Variants in CD99L2 observed in about 807,000 individuals in gnomAD.
The protein encoded by CD99L2 is CD99 molecule like 2.
In CD99L2, 24 loss-of-function variants were observed where a neutral mutation model predicts 27.3. That is an observed-to-expected ratio of 0.88 (90% CI 0.64 to 1.24). The LOEUF is 1.24. Ranked by LOEUF, CD99L2 falls within the 50% of genes most tolerant of loss-of-function variation. The probability of loss-of-function intolerance (pLI) is 0.00; values close to 1 mark genes in which losing one functional copy is unlikely to be tolerated. For missense variants in CD99L2, 255 were observed against 221.6 expected, an observed-to-expected ratio of 1.15 and a Z score of -0.96; for synonymous variants, 97 against 87.9, an observed-to-expected ratio of 1.10 and a Z score of -0.58.
chrX:150,820,344 C>T (rs1306503762), intron 2 of CD99L2, among the ~76,000 whole-genome samples: 1 of 110,833 alleles, frequency 9.0e-6, no homozygotes, highest in Admixed American at 9.6e-5. Context: ...GATAAAAACA[C>T]TCAATGAATT....
At position 150,824,470 on chromosome X, in the gene CD99L2, GAAGAAGA is replaced by G. The variant is rs1278148843; in HGVS notation, c.130+6754_130+6760del. On this transcript the variant is annotated intron_variant, in intron 2 of 10. Transcript: ENST00000370377. ...AAGAAGAAGAAGAAAGAAGAAAGAA[GAAGAAGA>G]AAGAAGAAAGAAGAAGAAGAAAGAA... Among the ~76,000 whole-genome samples, 9 of 91,920 alleles carry G rather than the reference GAAGAAGA, an allele frequency of 9.8e-5. No homozygotes were observed. In the East Asian group the frequency reaches 1.7e-3, roughly 17 times the overall value. The allele number at this position is 91,920 out of a possible 115,157, so 79.8% of individuals were successfully genotyped here. A position where few individuals can be genotyped will look rare whatever the true frequency, so the allele number is the denominator to read the frequency against.
chrX:150,829,959 C>A (rs2046416823), intron 2 of CD99L2, among the ~76,000 whole-genome samples: 2 of 110,275 alleles, frequency 1.8e-5, no homozygotes, highest in South Asian at 7.8e-4. Flanking sequence ...GAGTTTGAGA[C>A]CAGCCTGGGC....
intron 7 of CD99L2, among the ~76,000 whole-genome samples, chrX:150,778,468 G>A (rs1300174763): frequency 9.7e-6 from 1 of 103,017 alleles, no homozygotes; most frequent in African/African-American, 3.6e-5. Context: ...GCAGGGTGGG[G>A]GGGTATTGAT....
chrX:150,771,179 AACCG>A (rs1240177701), intron 9 of CD99L2, among the ~76,000 whole-genome samples: 2 of 112,016 alleles, frequency 1.8e-5, no homozygotes, highest in African/African-American at 3.2e-5. Context: ...GCATGGTTCC[AACCG>A]ACCGACCGAC....
intron 7 of CD99L2, 50 bp downstream of exon 7, chrX:150,793,641 A>C: frequency 9.8e-7 from 1 of 1,024,630 alleles, no homozygotes; most frequent in South Asian, 2.3e-5. Context: ...CTGCATAATC[A>C]CCTTTTTCAC....
intron 1 of CD99L2, among the ~76,000 whole-genome samples, chrX:150,865,588 G>C (rs2047048690): frequency 8.9e-6 from 1 of 111,858 alleles, no homozygotes; most frequent in Non-Finnish European, 1.9e-5. Context: ...TCCACTTTCT[G>C]CATCAGAGAG....
chrX:150,862,836 A>G (rs926739566), intron 1 of CD99L2, among the ~76,000 whole-genome samples: 3 of 106,094 alleles, frequency 2.8e-5, no homozygotes, highest in Non-Finnish European at 1.9e-5. Flanking sequence ...AAGAAAGAGA[A>G]AGAGAGAGAG....
intron 1 of CD99L2, among the ~76,000 whole-genome samples, chrX:150,892,567 C>G (rs1203660667): frequency 1.1e-5 from 1 of 88,093 alleles, no homozygotes; most frequent in Non-Finnish European, 2.1e-5. Flanking sequence ...GATCGCGCCA[C>G]TGCACTCCAA....
chrX:150,782,092 A>C (rs974365826), intron 7 of CD99L2, among the ~76,000 whole-genome samples: 3 of 112,127 alleles, frequency 2.7e-5, no homozygotes, highest in Non-Finnish European at 5.6e-5. Flanking sequence ...TAGGAAGATT[A>C]TAACTGCTGG....
chrX:150,860,858 A>G (rs184193692), intron 1 of CD99L2, among the ~76,000 whole-genome samples: 43 of 111,353 alleles, frequency 3.9e-4, no homozygotes, highest in African/African-American at 1.3e-3. Context: ...GAAAAAATGA[A>G]TATCATTGGC....
chrX:150,804,280 A>G (rs1557420172), intron 4 of CD99L2, among the ~76,000 whole-genome samples: 1 of 112,581 alleles, frequency 8.9e-6, no homozygotes, highest in South Asian at 3.6e-4. Flanking sequence ...AATGTGTGGA[A>G]ATTGAACAAC....
chrX:150,781,966 G>T (rs1280064814), intron 7 of CD99L2, among the ~76,000 whole-genome samples: 6 of 112,083 alleles, frequency 5.4e-5, no homozygotes, highest in African/African-American at 1.9e-4. Flanking sequence ...CCATACATCT[G>T]GGGGAGGCGG....
intron 1 of CD99L2, among the ~76,000 whole-genome samples, chrX:150,856,144 C>T (rs1439617653): frequency 2.7e-5 from 3 of 112,878 alleles, no homozygotes; most frequent in African/African-American, 6.4e-5. Flanking sequence ...GGGTCTGAAG[C>T]GTCCTTCTTT....
At chrX:150,814,558 GTTAT>G (rs1403780370) in intron 4 of CD99L2, among the ~76,000 whole-genome samples, 15 of 112,631 alleles carry the variant, frequency 1.3e-4, no homozygotes, top group African/African-American at 4.8e-4. Flanking sequence ...TCATAAAAAT[GTTAT>G]TTATGTTAAA....
intron 9 of CD99L2, among the ~76,000 whole-genome samples, chrX:150,775,716 G>T (rs1242815034): frequency 8.9e-6 from 1 of 112,511 alleles, no homozygotes; most frequent in Non-Finnish European, 1.9e-5. Flanking sequence ...AATAAGGGCC[G>T]TGCTTTGCAA....
chrX:150,778,733 A>G (rs1253336231), intron 7 of CD99L2, among the ~76,000 whole-genome samples: 1 of 105,045 alleles, frequency 9.5e-6, no homozygotes, highest in Non-Finnish European at 1.9e-5. Flanking sequence ...CTGGGGAAAA[A>G]TGAGGTTTGT....
chrX:150,836,335 C>A (rs1557421194), intron 1 of CD99L2, among the ~76,000 whole-genome samples: 1 of 100,702 alleles, frequency 9.9e-6, no homozygotes, highest in African/African-American at 3.8e-5. Context: ...AGTATGAAAT[C>A]ATATTTAGCT....
intron 3 of CD99L2, among the ~76,000 whole-genome samples, chrX:150,815,749 G>A (rs1432470686): frequency 8.9e-6 from 1 of 112,080 alleles, no homozygotes; most frequent in Non-Finnish European, 1.9e-5. Context: ...AAAATGAAAC[G>A]GCTAAAAAGG....
At chrX:150,817,254 G>C (rs2046176451) in intron 2 of CD99L2, among the ~76,000 whole-genome samples, 3 of 108,586 alleles carry the variant, frequency 2.8e-5, no homozygotes. Flanking sequence ...TAAAAGTGGT[G>C]ACCCCAAGAG....
Sources: allele counts gnomAD v4.1 joint callset (sites outside exome capture counted in the v4.1 genomes callset), GRCh38; gene constraint gnomAD v4.1.1; transcripts MANE v1.5; gene names NCBI Gene and HGNC (gene_info 2026-07-23, HGNC 2026-07-21).